The following GARIN2 variants were observed in gnomAD, a reference collection of about 807,000 sequenced individuals.
GARIN2 encodes golgi associated RAB2 interactor family member 2.
chr14:67,200,129 C>A, the GARIN2 span: 1 of 1,090,400 alleles, frequency 9.2e-7, no homozygotes, highest in Non-Finnish European at 1.3e-6. Flanking sequence ...CGAAGGCCTC[C>A]ATTCTGATCT....
chr14:67,204,576 T>C, the GARIN2 span: 69,177 of 1,613,528 alleles, frequency 0.043, 1,640 homozygotes, highest in African/African-American at 0.054. Flanking sequence ...CTGTGCATGA[T>C]GCGGAGAACA....
the GARIN2 span, among the ~76,000 whole-genome samples, chr14:67,218,945 C>T: frequency 2.5e-3 from 378 of 152,042 alleles, 2 homozygotes; most frequent in East Asian, 0.035. Flanking sequence ...AGGTTCTGCA[C>T]AGGTGGTGTT....
At chr14:67,215,707 A>T in the GARIN2 span, among the ~76,000 whole-genome samples, 5 of 152,208 alleles carry the variant, frequency 3.3e-5, no homozygotes, top group Non-Finnish European at 7.4e-5. Flanking sequence ...AGGTTTATTT[A>T]AAAAAACAAG....
At chr14:67,217,667 G>T in the GARIN2 span, among the ~76,000 whole-genome samples, 1 of 151,988 alleles carries the variant, frequency 6.6e-6, no homozygotes, top group Non-Finnish European at 1.5e-5. Flanking sequence ...AGCATTTTTT[G>T]TAAGGCCAAT....
the GARIN2 span, among the ~76,000 whole-genome samples, chr14:67,192,627 C>G: frequency 6.6e-6 from 1 of 151,720 alleles, no homozygotes; most frequent in East Asian, 1.9e-4. Flanking sequence ...ATCAGTTTAA[C>G]CACTGGCCAC....
the GARIN2 span, among the ~76,000 whole-genome samples, chr14:67,195,632 T>C: frequency 1.3e-5 from 2 of 152,092 alleles, no homozygotes; most frequent in Admixed American, 6.6e-5. Flanking sequence ...GATACACCAA[T>C]TATAAGATAT....
chr14:67,225,976 TGCGCATGCGC>T, the GARIN2 span, among the ~76,000 whole-genome samples: 4 of 117,256 alleles, frequency 3.4e-5, no homozygotes, highest in African/African-American at 1.3e-4. Context: ...CGCGCGCGCG[TGCGCATGCGC>T]GTGCATGCTC....
At chr14:67,193,881 G>C in the GARIN2 span, among the ~76,000 whole-genome samples, 48 of 142,850 alleles carry the variant, frequency 3.4e-4, no homozygotes, top group Non-Finnish European at 6.3e-4. Context: ...GGAGGTTGAG[G>C]CTGCAGTGAG....
chr14:67,217,841 CT>C, the GARIN2 span, among the ~76,000 whole-genome samples: 3 of 151,804 alleles, frequency 2.0e-5, no homozygotes, highest in African/African-American at 7.3e-5. Context: ...TATTGTTTTT[CT>C]TTGGAAGTGT....
chr14:67,193,002 A>ATATCAATATCTAGATATAGATATATCTC, the GARIN2 span, among the ~76,000 whole-genome samples: 133 of 146,112 alleles, frequency 9.1e-4, no homozygotes, highest in African/African-American at 1.8e-3. Context: ...ATATCTCTAT[A>ATATCAATATCTAGATATAGATATATCTC]TATCAATATC....
chr14:67,197,971 T>C, the GARIN2 span, among the ~76,000 whole-genome samples: 1 of 152,184 alleles, frequency 6.6e-6, no homozygotes, highest in Admixed American at 6.5e-5. Context: ...AGGGCAGAGA[T>C]CTTATCAGTC....
chr14:67,193,279 T>A, the GARIN2 span, among the ~76,000 whole-genome samples: 2 of 138,786 alleles, frequency 1.4e-5, no homozygotes, highest in Non-Finnish European at 3.1e-5. Flanking sequence ...TATCTATATA[T>A]CTCTATATAG....
chr14:67,215,682 T>C, the GARIN2 span, among the ~76,000 whole-genome samples: 6 of 152,184 alleles, frequency 3.9e-5, no homozygotes, highest in Non-Finnish European at 8.8e-5. Flanking sequence ...AGTATGACTT[T>C]ATTAGAAAAG....
the GARIN2 span, chr14:67,204,450 C>A: frequency 2.1e-6 from 3 of 1,404,248 alleles, no homozygotes; most frequent in Non-Finnish European, 2.8e-6. Context: ...TCAAAACAAA[C>A]AAACAAATAT....
At chr14:67,203,313 G>A in the GARIN2 span, 2 of 1,541,792 alleles carry the variant, frequency 1.3e-6, no homozygotes, top group Non-Finnish European at 1.8e-6. Context: ...AAAGAGAAGA[G>A]GTTAAAGATC....
At chr14:67,198,261 G>T in the GARIN2 span, 1 of 1,613,884 alleles carries the variant, frequency 6.2e-7, no homozygotes, top group Middle Eastern at 1.7e-4. Context: ...AAATATGTTG[G>T]ATGGAGGAGA....
At chr14:67,200,171 A>G in the GARIN2 span, 1 of 1,156,142 alleles carries the variant, frequency 8.6e-7, no homozygotes, top group Non-Finnish European at 1.2e-6. Flanking sequence ...ATGCCTCCAC[A>G]TGGTATGCGT....
At chr14:67,204,650 A>G in the GARIN2 span, 1 of 1,613,952 alleles carries the variant, frequency 6.2e-7, no homozygotes. Flanking sequence ...ACCTCTGCAT[A>G]TAAACAGGAC....
At chr14:67,210,507 AAAATGTAAATACAATGGT>A in the GARIN2 span, among the ~76,000 whole-genome samples, 1 of 152,266 alleles carries the variant, frequency 6.6e-6, no homozygotes, top group Non-Finnish European at 1.5e-5. Context: ...AAAATTCCAA[AAAATGTAAATACAATGGT>A]ATTTTATTTC....
Sources: allele counts gnomAD v4.1 joint callset (sites outside exome capture counted in the v4.1 genomes callset), GRCh38; gene constraint gnomAD v4.1.1; transcripts MANE v1.5; gene names NCBI Gene and HGNC (gene_info 2026-07-23, HGNC 2026-07-21).